RABEP2: variants seen among roughly 807,000 people sequenced by gnomAD.
The protein encoded by RABEP2 is rab GTPase-binding effector protein 2.
A neutral mutation model predicts 74.1 loss-of-function variants in RABEP2; 57 were observed. The observed-to-expected ratio is 0.77, with a 90% CI of 0.62 to 0.96. The LOEUF is 0.96. Among genes scored for constraint, RABEP2 ranks in the 40% least tolerant of loss-of-function variants. The pLI is 0.00. For missense variants in RABEP2, 692 were observed against 756.3 expected, an observed-to-expected ratio of 0.91 and a Z score of 1.00; for synonymous variants, 351 against 344.0, an observed-to-expected ratio of 1.02 and a Z score of -0.23.
intron 5 of RABEP2, among the ~76,000 whole-genome samples, chr16:28,913,969 C>T (rs1753573123): frequency 6.7e-6 from 1 of 148,354 alleles, no homozygotes; most frequent in Non-Finnish European, 1.5e-5. Context: ...TGTAAAGAGA[C>T]AGGGTCTTAC....
chr16:28,914,289 G>A lies in RABEP2; in HGVS notation c.841C>T (p.Pro281Ser). The change falls in exon 5 of 13, where the codon CCT (proline) becomes TCT (serine). Residue 281 changes from proline (P) to serine (S), a missense_variant. Transcript: ENST00000358201. ...TCTGGGACGAGCTGGTAGCCAGGAG[G>A]GGGCAGGTAGATGCCCTCGGGAACC... ...TLVPEGIYLPPPGYQLVPDTQ... is the reference protein window; with the variant it reads ...TLVPEGIYLPSPGYQLVPDTQ... 6.2e-7 allele frequency: 1 copy of A among 1,612,460 alleles called. No individual in the cohort carries two copies. Among genetic ancestry groups the A allele is most frequent in the Non-Finnish European group, 8.5e-7 (1 of 1,179,882 alleles).
chr16:28,911,159 G>A lies in RABEP2; in HGVS notation c.915C>T (p.Asp305=). ...CCCGCTCGCGACTGACGCTCTCCAGGTCCTTCTGCAGCTGTCGGCCCTGCC... is the reference window on the plus strand; with the variant it reads ...CCCGCTCGCGACTGACGCTCTCCAGATCCTTCTGCAGCTGTCGGCCCTGCC... ...LQTEGRQLQK[D]LESVSRERDE... The change falls in exon 6 of 13, where the codon GAC becomes GAT. Residue 305 remains aspartate (D), a synonymous_variant. Coordinates refer to ENST00000358201, the MANE Select transcript of RABEP2 (RefSeq NM_024816.3). 1 of 1,611,462 alleles carries A rather than the reference G, an allele frequency of 6.2e-7. No individual in the cohort carries two copies. Among genetic ancestry groups the A allele is most frequent in the Non-Finnish European group, 8.5e-7 (1 of 1,180,008 alleles).
Position 28,904,605 on chromosome 16 carries a change from T to G in RABEP2, c.*338A>C. On this transcript the variant is annotated 3_prime_UTR_variant, in exon 13 of 13. Coordinates refer to ENST00000358201, the MANE Select transcript of RABEP2 (RefSeq NM_024816.3). The stretch of plus-strand genomic sequence containing the variant: ...CTCTGATGGGGACTCCCAGCCCCCA[T>G]GGCTCCGCTGTGCCCTGGGCAGGGG... The G allele has an allele frequency of 1.8e-6, 2 of 1,131,202 alleles. No individual in the cohort carries two copies. Among genetic ancestry groups the G allele is most frequent in the South Asian group, 3.0e-5 (2 of 66,338 alleles). 70.1% of individuals were successfully genotyped at this position (1,131,202 alleles called of 1,614,324 possible). A position where few individuals can be genotyped will look rare whatever the true frequency, so the allele number is the denominator to read the frequency against.
chr16:28,922,930 G>T (rs1444703225), intron 2 of RABEP2, among the ~76,000 whole-genome samples: 1 of 152,010 alleles, frequency 6.6e-6, no homozygotes, highest in Admixed American at 6.6e-5. Context: ...TAGGCTGCTT[G>T]GTTTCCAACC....
At chr16:28,906,878 G>C (rs939870123) in intron 8 of RABEP2, among the ~76,000 whole-genome samples, 1 of 152,138 alleles carries the variant, frequency 6.6e-6, no homozygotes, top group African/African-American at 2.4e-5. Context: ...AGAATTGCTT[G>C]ACCCAAGGAG....
chr16:28,911,774 T>C (rs1206691629), intron 5 of RABEP2, among the ~76,000 whole-genome samples: 1 of 149,140 alleles, frequency 6.7e-6, no homozygotes, highest in Non-Finnish European at 1.5e-5. Flanking sequence ...TGGTGAAACC[T>C]TGTCTCTACT....
At position 28,914,412 on chromosome 16, in the gene RABEP2, C is replaced by A. The variant is rs1052221794; in HGVS notation, c.718G>T (p.Gly240Cys). ...GAGGAGCTGCTGCCGACCCCACCGC[C>A]AAGGGAGAAGGAGGAGATGGAGGCG... Reference protein sequence around the residue: ...DSASISSFSLGGGVGSSSSLP... With the variant: ...DSASISSFSLCGGVGSSSSLP... Residue 240 changes from glycine (G) to cysteine (C), a missense_variant, in exon 5 of 13, where the codon GGC (glycine) becomes TGC (cysteine). By Grantham distance (159) the Gly-to-Cys change is radical. Transcript: ENST00000358201. The A allele has an allele frequency of 1.2e-6, 2 of 1,613,310 alleles. No homozygotes were observed. The highest frequency in any genetic ancestry group is 2.7e-5 in the African/African-American group (2 of 74,926).
Position 28,906,056 on chromosome 16 carries a change from G to C in RABEP2, c.1386C>G (p.Ser462Arg). ...GCTGCACCCTCAGCTGCCCCTCCAG[G>C]CTGGCCCTGGCCACTGTCTCCTCCT... is the stretch of plus-strand genomic sequence containing the variant. Reference protein sequence around the residue: ...ALEEETVARASLEGQLRVQRE... With the variant: ...ALEEETVARARLEGQLRVQRE... Residue 462 changes from serine (S) to arginine (R), a missense_variant, in exon 9 of 13, where the codon AGC becomes AGG. Transcript: ENST00000358201. 1.2e-6 allele frequency: 2 copies of C among 1,601,468 alleles called. No individual in the cohort carries two copies. Among genetic ancestry groups the C allele is most frequent in the Non-Finnish European group, 1.7e-6 (2 of 1,174,888 alleles).
intron 3 of RABEP2, among the ~76,000 whole-genome samples, chr16:28,919,166 C>T (rs1964434757): frequency 6.6e-6 from 1 of 152,102 alleles, no homozygotes; most frequent in African/African-American, 2.4e-5. Flanking sequence ...CAGAGGCATC[C>T]TTTTTTTAAG....
chr16:28,911,076 G>C lies in RABEP2; in HGVS notation c.990+8C>G. The C allele has an allele frequency of 6.2e-7, 1 of 1,612,932 alleles. No individual in the cohort carries two copies. The highest frequency in any genetic ancestry group is 8.5e-7 in the Non-Finnish European group (1 of 1,179,850). On this transcript the variant is annotated splice_region_variant and intron_variant, in intron 6 of 12. Coordinates refer to ENST00000358201, the MANE Select transcript of RABEP2 (RefSeq NM_024816.3). ...CCGGCTGGGGCTGCAGCAGCGGCAGGGACCCACCTGCTTGGCACAGTCCTC... is the reference window on the plus strand; with the variant it reads ...CCGGCTGGGGCTGCAGCAGCGGCAGCGACCCACCTGCTTGGCACAGTCCTC...
In RABEP2 at chr16:28,904,888, T is replaced by A. The variant is rs1964198293; in HGVS notation, c.*55A>T. On this transcript the variant is annotated 3_prime_UTR_variant, in exon 13 of 13. Transcript: ENST00000358201. ...AGACCCCAGAGCGAGGCCTCATGGT[T>A]CAGGAGTGGGGAAAGGCGTCTTTCC... is the stretch of plus-strand genomic sequence containing the variant. The A allele has an allele frequency of 1.5e-6, 2 of 1,361,258 alleles. No individual in the cohort carries two copies. The highest frequency in any genetic ancestry group is 2.1e-6 in the Non-Finnish European group (2 of 963,844). 84.3% of individuals were successfully genotyped at this position (1,361,258 alleles called of 1,614,324 possible).
chr16:28,924,344 T>C (rs976864593), intron 2 of RABEP2, 59 bp downstream of exon 2: 4 of 1,518,382 alleles, frequency 2.6e-6, no homozygotes, highest in East Asian at 4.5e-5. Flanking sequence ...AATCCCTTTC[T>C]CGTCATGCAC....
At chr16:28,917,617 T>G (rs564417757) in intron 3 of RABEP2, among the ~76,000 whole-genome samples, 3 of 152,274 alleles carry the variant, frequency 2.0e-5, no homozygotes, top group Admixed American at 2.0e-4. Context: ...AGACGGGGTT[T>G]CCCCAAGTTA....
chr16:28,917,204 C>T (rs1442673076), intron 3 of RABEP2, among the ~76,000 whole-genome samples: 4 of 152,092 alleles, frequency 2.6e-5, no homozygotes, highest in African/African-American at 9.7e-5. Context: ...GTCCCACAGG[C>T]TCCTCTAACC....
At position 28,904,741 on chromosome 16, in the gene RABEP2, A is replaced by G; in HGVS notation, c.*202T>C. 1.6e-6 allele frequency: 1 copy of G among 639,836 alleles called. No homozygotes were observed. Among genetic ancestry groups the G allele is most frequent in the Non-Finnish European group, 2.6e-6 (1 of 378,240 alleles). 39.6% of individuals were successfully genotyped at this position (639,836 alleles called of 1,614,324 possible). On this transcript the variant is annotated 3_prime_UTR_variant, in exon 13 of 13. Transcript: ENST00000358201. ...CGGGAGGGGCTTGGGCCCCTCACCC[A>G]GGTGTGATCCCTGAGAACAGGAGGC...
At chr16:28,923,975 G>C (rs778503654) in intron 2 of RABEP2, 126 of 185,086 alleles carry the variant, frequency 6.8e-4, no homozygotes, top group Non-Finnish European at 1.2e-3. Context: ...TGCATGGCGT[G>C]GGGTGGAGGG....
chr16:28,910,487 C>T (rs1964297118), intron 7 of RABEP2: 1 of 159,978 alleles, frequency 6.3e-6, no homozygotes, highest in Non-Finnish European at 1.4e-5. Context: ...CCTGTGTTGG[C>T]TAGGCTCGAA....
At chr16:28,922,771 G>GT (rs1386773026) in intron 2 of RABEP2, among the ~76,000 whole-genome samples, 3 of 152,058 alleles carry the variant, frequency 2.0e-5, no homozygotes, top group Non-Finnish European at 2.9e-5. Context: ...GCACACGCCT[G>GT]TAGTCCCAGC....
chr16:28,913,983 G>A (rs1964348719), intron 5 of RABEP2, among the ~76,000 whole-genome samples: 1 of 143,782 alleles, frequency 7.0e-6, no homozygotes, highest in South Asian at 2.2e-4. Flanking sequence ...GTCTTACTAT[G>A]TTGCCCAGAC....
Sources: gnomAD v4.1 joint callset for allele counts (sites outside exome capture counted in the v4.1 genomes callset) on GRCh38, gnomAD v4.1.1 for gene constraint, MANE v1.5 for transcripts, NCBI Gene and HGNC (gene_info 2026-07-23, HGNC 2026-07-21) for gene names.